RALYL: variants seen among roughly 807,000 people sequenced by gnomAD.
RALYL encodes the protein RNA-binding Raly-like protein.
Under a neutral mutation model 35.1 loss-of-function variants are expected in RALYL, and 29 were observed. The observed-to-expected ratio is 0.83, with a 90% CI of 0.61 to 1.13. RALYL has a LOEUF of 1.13. Among genes scored for constraint, RALYL ranks in the 50% most tolerant of loss-of-function variants. The pLI is 0.00. For synonymous variants in RALYL, 120 were observed against 127.6 expected (o/e 0.94, Z 0.40); for missense variants, 359 against 360.4 (o/e 1.00, Z 0.03).
chr8:84,396,174 G>T (rs927211287), intron 1 of RALYL, among the ~76,000 whole-genome samples: 5 of 151,748 alleles, frequency 3.3e-5, no homozygotes, highest in Non-Finnish European at 7.4e-5. Context: ...ATCCAGATTA[G>T]GTCCTAGATC....
chr8:84,655,653 T>G (rs921478159), intron 2 of RALYL, among the ~76,000 whole-genome samples: 1 of 151,814 alleles, frequency 6.6e-6, no homozygotes, highest in African/African-American at 2.4e-5. Context: ...TCCTATGGAG[T>G]CGTTTGAGCT....
At chr8:84,656,494 T>G (rs1315592959) in intron 2 of RALYL, among the ~76,000 whole-genome samples, 1 of 152,288 alleles carries the variant, frequency 6.6e-6, no homozygotes, top group Admixed American at 6.5e-5. Flanking sequence ...TCACACCTTA[T>G]GAGATGAGAT....
At chr8:84,686,366 C>T (rs1467196780) in intron 2 of RALYL, among the ~76,000 whole-genome samples, 1 of 151,864 alleles carries the variant, frequency 6.6e-6, no homozygotes, top group Non-Finnish European at 1.5e-5. Flanking sequence ...AAACTGCCAG[C>T]ATGTTATTTA....
intron 1 of RALYL, among the ~76,000 whole-genome samples, chr8:84,437,498 T>C (rs1198303913): frequency 6.6e-6 from 1 of 152,284 alleles, no homozygotes; most frequent in South Asian, 2.1e-4. Context: ...TCCCATTTCT[T>C]TGCAGCCTCA....
At chr8:84,185,209 G>T (rs1251382123) in intron 1 of RALYL, 7 of 648,220 alleles carry the variant, frequency 1.1e-5, no homozygotes, top group Non-Finnish European at 1.9e-5. Context: ...CTGTTAGTTT[G>T]CAGTAATGAC....
intron 3 of RALYL, among the ~76,000 whole-genome samples, chr8:84,795,682 T>C (rs534667769): frequency 6.6e-6 from 1 of 152,270 alleles, no homozygotes; most frequent in East Asian, 1.9e-4. Context: ...ACATAATGCT[T>C]TTCATTTTTC....
At chr8:84,500,758 T>C (rs1413507897) in intron 1 of RALYL, among the ~76,000 whole-genome samples, 1 of 152,180 alleles carries the variant, frequency 6.6e-6, no homozygotes. Flanking sequence ...GGAAATTAAA[T>C]GTGATGCTGG....
intron 6 of RALYL, among the ~76,000 whole-genome samples, chr8:84,870,021 C>A (rs915868248): frequency 3.9e-5 from 6 of 152,066 alleles, no homozygotes; most frequent in Non-Finnish European, 7.4e-5. Flanking sequence ...TTTTTAAAAA[C>A]AAAGATACTA....
intron 2 of RALYL, among the ~76,000 whole-genome samples, chr8:84,699,049 G>GATAGATAA (rs1398468801): frequency 6.6e-6 from 1 of 151,788 alleles, no homozygotes; most frequent in African/African-American, 2.4e-5. Flanking sequence ...TAGATAGATA[G>GATAGATAA]ATAGATAGGA....
intron 1 of RALYL, among the ~76,000 whole-genome samples, chr8:84,220,399 T>A (rs1309947969): frequency 6.6e-6 from 1 of 152,044 alleles, no homozygotes; most frequent in Non-Finnish European, 1.5e-5. Flanking sequence ...ATGGTATATT[T>A]TTGTCTCTGG....
Position 84,330,146 on chromosome 8 carries a change from G to A in RALYL, c.-24+145722G>A, listed in dbSNP as rs540268429. On this transcript the variant is annotated intron_variant, in intron 1 of 8. Transcript: ENST00000521268. ...ATGTGTAGAGATGCATAACTTCTCTGGAATAAAAGAAATACAAATTAAAAG... is the reference window on the plus strand; with the variant it reads ...ATGTGTAGAGATGCATAACTTCTCTAGAATAAAAGAAATACAAATTAAAAG... Among the ~76,000 whole-genome samples, 218 of 151,958 alleles carry A rather than the reference G, an allele frequency of 1.4e-3. 2 individuals carry two copies. Among genetic ancestry groups the A allele is most frequent in the African/African-American group, 4.7e-3 (194 of 41,502 alleles).
chr8:84,751,334 A>C (rs1809953087), intron 2 of RALYL, among the ~76,000 whole-genome samples: 1 of 151,948 alleles, frequency 6.6e-6, no homozygotes, highest in Admixed American at 6.6e-5. Context: ...CAGCCTCCCA[A>C]GTAGCTGGGA....
At chr8:84,708,448 T>A (rs1841589619) in intron 2 of RALYL, among the ~76,000 whole-genome samples, 1 of 152,110 alleles carries the variant, frequency 6.6e-6, no homozygotes, top group African/African-American at 2.4e-5. Flanking sequence ...AGATCTTACT[T>A]GTGCAAAACT....
intron 1 of RALYL, among the ~76,000 whole-genome samples, chr8:84,374,381 A>G (rs1856515646): frequency 6.6e-6 from 1 of 151,900 alleles, no homozygotes; most frequent in Admixed American, 6.6e-5. Flanking sequence ...AATATGTTCC[A>G]TCAATAACTA....
intron 2 of RALYL, among the ~76,000 whole-genome samples, chr8:84,619,079 G>A (rs1030853414): frequency 6.6e-6 from 1 of 151,142 alleles, no homozygotes; most frequent in African/African-American, 2.5e-5. Flanking sequence ...TGTTGATTTG[G>A]GGTGGACAGT....
rs557218360 is a variant in RALYL, at chr8:84,374,635, A to T, written c.-23-154664A>T. Among the ~76,000 whole-genome samples, 294 of 152,008 alleles carry T rather than the reference A, an allele frequency of 1.9e-3. 1 individual carries two copies. The highest frequency in any genetic ancestry group is 6.8e-3 in the African/African-American group (284 of 41,514). On this transcript the variant is annotated intron_variant, in intron 1 of 8. Coordinates refer to ENST00000521268, the MANE Select transcript of RALYL (RefSeq NM_173848.7). ...AGAAAACCAAGTATTGCATGTTCTC[A>T]CTCATAAGTGGGACCTAATGATAAG... is the stretch of plus-strand genomic sequence containing the variant.
intron 2 of RALYL, among the ~76,000 whole-genome samples, chr8:84,715,715 T>C (rs1842859808): frequency 6.6e-6 from 1 of 152,062 alleles, no homozygotes; most frequent in African/African-American, 2.4e-5. Context: ...CACTTCTTGA[T>C]CTAGAACAGC....
chr8:84,494,079 T>C (rs2055687338), intron 1 of RALYL, among the ~76,000 whole-genome samples: 1 of 152,192 alleles, frequency 6.6e-6, no homozygotes, highest in Non-Finnish European at 1.5e-5. Context: ...TTAATTTTTG[T>C]ATAAAGTGTA....
chr8:84,428,366 A>G (rs149799075), intron 1 of RALYL, among the ~76,000 whole-genome samples: 255 of 152,224 alleles, frequency 1.7e-3, no homozygotes, highest in African/African-American at 6.0e-3. Flanking sequence ...GGAGTTTCAC[A>G]TGTATCTTGG....
Sources: gnomAD v4.1 joint callset for allele counts (sites outside exome capture counted in the v4.1 genomes callset) on GRCh38, gnomAD v4.1.1 for gene constraint, MANE v1.5 for transcripts, NCBI Gene and HGNC (gene_info 2026-07-23, HGNC 2026-07-21) for gene names.